The following PRELID2 variants were observed in gnomAD, a reference collection of about 807,000 sequenced individuals.
The protein encoded by PRELID2 is PRELI domain containing 2.
PRELID2 carries 25 observed loss-of-function variants against 28.4 expected under a neutral mutation model. That is an observed-to-expected ratio of 0.88 (90% confidence interval 0.64 to 1.23). PRELID2 has a LOEUF of 1.23. PRELID2 is among the 50% of genes most tolerant of loss of function. PRELID2 has a pLI of 0.00. For synonymous variants in PRELID2, 76 were observed against 71.6 expected (o/e 1.06, Z -0.31); for missense variants, 201 against 214.4 (o/e 0.94, Z 0.39).
chr5:145,364,398 A>T, the PRELID2 span, among the ~76,000 whole-genome samples: 1 of 152,000 alleles, frequency 6.6e-6, no homozygotes, highest in Admixed American at 6.6e-5. Context: ...TACTGAAATA[A>T]GTTACATATT....
At chr5:145,582,147 A>C (rs150624832) in intron 1 of PRELID2, among the ~76,000 whole-genome samples, 1 of 152,128 alleles carries the variant, frequency 6.6e-6, no homozygotes, top group East Asian at 1.9e-4. Flanking sequence ...TCTATCACCT[A>C]CTGTCAAGGA....
rs1554099436 is a variant in PRELID2, at chr5:145,817,421, T to TTATATATATATATTTATATATATATA, written c.368+472_368+473insTATATATATATAAATATATATATATA. Reference sequence around the variant, plus strand: ...TATGCAATAAAGGAATAAGCTAGTTTTATATATATATATATATATATATAT... The same window carrying TTATATATATATATTTATATATATATA: ...TATGCAATAAAGGAATAAGCTAGTTTTATATATATATATTTATATATATATATATATATATATATATATATATATAT... On this transcript the variant is annotated intron_variant, in intron 4 of 6. Transcript: ENST00000683046. Among the ~76,000 whole-genome samples the TTATATATATATATTTATATATATATA allele has an allele frequency of 3.0e-3, 313 of 103,566 alleles. 8 individuals are homozygous for TTATATATATATATTTATATATATATA. Among genetic ancestry groups the TTATATATATATATTTATATATATATA allele is most frequent in the Middle Eastern group, 6.8e-3 (1 of 146 alleles). 67.9% of individuals were successfully genotyped at this position (103,566 alleles called of 152,430 possible). A position where few individuals can be genotyped will look rare whatever the true frequency, so the allele number is the denominator to read the frequency against.
At chr5:145,334,419 T>C in the PRELID2 span, among the ~76,000 whole-genome samples, 163 of 152,348 alleles carry the variant, frequency 1.1e-3, no homozygotes, top group African/African-American at 3.7e-3. Context: ...TTGTGTGTCA[T>C]GTAATATATT....
At chr5:145,439,789 A>C in the PRELID2 span, among the ~76,000 whole-genome samples, 1 of 152,110 alleles carries the variant, frequency 6.6e-6, no homozygotes, top group East Asian at 1.9e-4. Flanking sequence ...TGGATCTCCT[A>C]ACTTGCCTTC....
At chr5:145,697,076 T>TACACACAC (rs1359786700) in intron 1 of PRELID2, among the ~76,000 whole-genome samples, 1 of 110,454 alleles carries the variant, frequency 9.1e-6, no homozygotes, top group Non-Finnish European at 1.8e-5. Flanking sequence ...TATATATATA[T>TACACACAC]ATATACACAC....
intron 1 of PRELID2, among the ~76,000 whole-genome samples, chr5:145,655,622 C>G (rs1251987825): frequency 1.3e-5 from 2 of 152,184 alleles, no homozygotes; most frequent in Non-Finnish European, 2.9e-5. Flanking sequence ...TGATCTTTGA[C>G]AAACCTGACA....
At chr5:145,523,487 T>G (rs1752581115) in intron 1 of PRELID2, among the ~76,000 whole-genome samples, 2 of 152,114 alleles carry the variant, frequency 1.3e-5, no homozygotes, top group African/African-American at 2.4e-5. Context: ...CAACAAAAAT[T>G]TATTTCTCAC....
At chr5:145,419,375 A>T in the PRELID2 span, among the ~76,000 whole-genome samples, 7 of 126,930 alleles carry the variant, frequency 5.5e-5, no homozygotes, top group South Asian at 8.5e-4. Context: ...ATTTCTCCAC[A>T]TCCTCTCCAG....
intron 1 of PRELID2, among the ~76,000 whole-genome samples, chr5:145,512,471 C>T (rs989724191): frequency 2.6e-5 from 4 of 152,218 alleles, no homozygotes; most frequent in African/African-American, 9.6e-5. Context: ...CAGGGCATCT[C>T]TGAAAGAAAG....
chr5:145,400,910 T>C, the PRELID2 span, among the ~76,000 whole-genome samples: 40 of 152,216 alleles, frequency 2.6e-4, no homozygotes, highest in African/African-American at 8.9e-4. Flanking sequence ...CTAAAGCCAG[T>C]GCCATTTTTC....
rs1406074765 is a variant in PRELID2 at position 145,520,488 on chromosome 5, C to T, written n.71-47173G>A. ...AAGCCTTCTTCAGTTTCCCAACACACAGTGTTGTGCCTCATCTGTTCACCT... is the reference window on the plus strand; with the variant it reads ...AAGCCTTCTTCAGTTTCCCAACACATAGTGTTGTGCCTCATCTGTTCACCT... On this transcript the variant is annotated intron_variant and non_coding_transcript_variant, in intron 1 of 2. Transcript: ENST00000510259. 2.6e-5 allele frequency among the ~76,000 whole-genome samples: 4 copies of T among 152,186 alleles called. No homozygotes were observed. In the East Asian group the frequency reaches 7.7e-4, roughly 29 times the overall value.
intron 1 of PRELID2, among the ~76,000 whole-genome samples, chr5:145,740,294 A>ATATATATATATATT (rs1561566154): frequency 1.1e-4 from 10 of 95,106 alleles, no homozygotes; most frequent in African/African-American, 3.9e-4. Context: ...ATATATATAT[A>ATATATATATATATT]TATATATATA....
the PRELID2 span, among the ~76,000 whole-genome samples, chr5:145,395,807 C>G: frequency 2.6e-5 from 4 of 152,112 alleles, no homozygotes; most frequent in Non-Finnish European, 4.4e-5. Flanking sequence ...GTCATGGAGC[C>G]TGGACCCCAG....
the PRELID2 span, among the ~76,000 whole-genome samples, chr5:145,249,937 G>GTCTCTCTCTCTCTCTCTC: frequency 7.2e-6 from 1 of 138,610 alleles, no homozygotes; most frequent in African/African-American, 2.6e-5. Flanking sequence ...CTCTCTCTCT[G>GTCTCTCTCTCTCTCTCTC]TCTCTCTCTC....
chr5:145,719,604 C>A (rs570933277), intron 1 of PRELID2, among the ~76,000 whole-genome samples: 1 of 152,082 alleles, frequency 6.6e-6, no homozygotes, highest in South Asian at 2.1e-4. Flanking sequence ...CTTCATTACA[C>A]AGATAGAAGA....
chr5:145,819,842 G>T, intron 3 of PRELID2, 103 bp downstream of exon 3: 1 of 794,394 alleles, frequency 1.3e-6, no homozygotes, highest in Non-Finnish European at 2.1e-6. Flanking sequence ...AAAGGAGTAG[G>T]AAGTTTCTAA....
the PRELID2 span, among the ~76,000 whole-genome samples, chr5:145,380,247 T>C: frequency 1.4e-4 from 21 of 152,276 alleles, no homozygotes; most frequent in East Asian, 1.5e-3. Flanking sequence ...TCCAGAGCCA[T>C]TGGGGGCCAG....
the PRELID2 span, among the ~76,000 whole-genome samples, chr5:145,368,666 C>T: frequency 6.6e-6 from 1 of 151,694 alleles, no homozygotes; most frequent in Non-Finnish European, 1.5e-5. Flanking sequence ...TTTTATTTAT[C>T]TTTTATTCCC....
the PRELID2 span, among the ~76,000 whole-genome samples, chr5:145,238,830 T>C: frequency 6.6e-6 from 1 of 152,096 alleles, no homozygotes; most frequent in Non-Finnish European, 1.5e-5. Context: ...TACACAAAAC[T>C]ACTTTCCTTC....
Sources: gnomAD v4.1 joint callset for allele counts (sites outside exome capture counted in the v4.1 genomes callset) on GRCh38, gnomAD v4.1.1 for gene constraint, MANE v1.5 for transcripts, NCBI Gene and HGNC (gene_info 2026-07-23, HGNC 2026-07-21) for gene names.